Variants in HMGCS2 observed in about 807,000 individuals in gnomAD.
HMGCS2 encodes the protein hydroxymethylglutaryl-CoA synthase, mitochondrial.
Under a neutral mutation model 57.4 loss-of-function variants are expected in HMGCS2, and 50 were observed. The ratio of observed to expected loss-of-function variants is 0.87; its 90% CI spans 0.69 to 1.10. The LOEUF is 1.10. HMGCS2 is among the 50% of genes least tolerant of loss of function. The pLI is 0.00. For missense variants in HMGCS2, 627 were observed against 636.5 expected (o/e 0.99, Z 0.16); for synonymous variants, 254 against 245.1 (o/e 1.04, Z -0.34).
At chr1:119,759,000 A>G in intron 4 of HMGCS2, 118 bp downstream of exon 4, 1 of 1,049,528 alleles carries the variant, frequency 9.5e-7, no homozygotes, top group Admixed American at 1.7e-5. Context: ...AGGACAGGAA[A>G]CAATTCTCTT....
Position 119,768,599 on chromosome 1 carries a change from C to A in HMGCS2, c.104+142G>T. On this transcript the variant is annotated intron_variant, in intron 1 of 9. Transcript: ENST00000369406. ...CTGTTTAGAGATGAGGTAACTGAGACCCTTTAAAGTTAACTTGCTTGTCTA... is the reference window on the plus strand; with the variant it reads ...CTGTTTAGAGATGAGGTAACTGAGAACCTTTAAAGTTAACTTGCTTGTCTA... 4.3e-6 allele frequency: 3 copies of A among 695,994 alleles called. No individual in the cohort carries two copies. The South Asian group carries it at 4.6e-5, about 11-fold the overall frequency. The allele number at this position is 695,994 out of a possible 1,614,324, so 43.1% of individuals were successfully genotyped here. A position where few individuals can be genotyped will look rare whatever the true frequency, so the allele number is the denominator to read the frequency against.
At chr1:119,751,171 A>T (rs971935315) in intron 8 of HMGCS2, among the ~76,000 whole-genome samples, 14 of 152,094 alleles carry the variant, frequency 9.2e-5, no homozygotes, top group Non-Finnish European at 2.1e-4. Context: ...CCTACAGTAA[A>T]CATAGCCTTC....
rs879722733 is a variant in HMGCS2 at position 119,766,132 on chromosome 1, TC to T, written c.105-1507del. Among the ~76,000 whole-genome samples, 53 of 152,340 alleles carry T rather than the reference TC, an allele frequency of 3.5e-4. No homozygotes were observed. The Middle Eastern group carries it at 0.02, about 59-fold the overall frequency. ...TAATATCCCTGGCGAAAATCTGTGT[TC>T]CCTTTTGTATGGGAGCATACTGGAG... is the stretch of plus-strand genomic sequence containing the variant. On this transcript the variant is annotated intron_variant, in intron 1 of 9. Transcript: ENST00000369406.
chr1:119,749,054 G>A (rs1455923671), intron 9 of HMGCS2, among the ~76,000 whole-genome samples: 2 of 152,154 alleles, frequency 1.3e-5, no homozygotes, highest in Non-Finnish European at 2.9e-5. Flanking sequence ...CAGGGTCCCC[G>A]TCGCACATCT....
At chr1:119,750,940 A>T (rs778135704) in intron 8 of HMGCS2, 32 bp from the exon 9 acceptor site, 2 of 1,293,582 alleles carry the variant, frequency 1.5e-6, no homozygotes, top group Non-Finnish European at 2.2e-6. Flanking sequence ...CAGTACTCAC[A>T]AAGAGTTATA....
intron 2 of HMGCS2, among the ~76,000 whole-genome samples, chr1:119,760,554 G>A (rs1653002472): frequency 6.6e-6 from 1 of 152,144 alleles, no homozygotes; most frequent in Non-Finnish European, 1.5e-5. Context: ...CCTGAACCAC[G>A]TGCCTTGAAT....
chr1:119,765,935 C>T (rs1653211988), intron 1 of HMGCS2, among the ~76,000 whole-genome samples: 1 of 152,110 alleles, frequency 6.6e-6, no homozygotes, highest in Non-Finnish European at 1.5e-5. Context: ...AGAGCACAGC[C>T]CAGTGAAAGA....
At chr1:119,761,738 C>A (rs1480562995) in intron 2 of HMGCS2, among the ~76,000 whole-genome samples, 1 of 151,662 alleles carries the variant, frequency 6.6e-6, no homozygotes, top group African/African-American at 2.4e-5. Flanking sequence ...TGCACTCCAG[C>A]CTGGCAACAG....
rs1653263608 is a variant in HMGCS2 at position 119,767,299 on chromosome 1, A to C, written c.104+1442T>G. Among the ~76,000 whole-genome samples, 3 of 152,232 alleles carry C rather than the reference A, an allele frequency of 2.0e-5. No homozygotes were observed. In the South Asian group the frequency reaches 6.2e-4, roughly 32 times the overall value. ...AGAGATTTCAGTGGGTTGGAGGATCAGAGAAGCTTCGTGGAAGAGACCGCA... is the reference window on the plus strand; with the variant it reads ...AGAGATTTCAGTGGGTTGGAGGATCCGAGAAGCTTCGTGGAAGAGACCGCA... On this transcript the variant is annotated intron_variant, in intron 1 of 9. Coordinates refer to ENST00000369406, the MANE Select transcript of HMGCS2 (RefSeq NM_005518.4).
intron 8 of HMGCS2, among the ~76,000 whole-genome samples, chr1:119,751,568 T>C (rs1230267078): frequency 6.6e-6 from 1 of 151,612 alleles, no homozygotes; most frequent in Non-Finnish European, 1.5e-5. Context: ...TATTCATATT[T>C]TTATAATTTT....
chr1:119,755,368 C>T (rs2101253996), intron 6 of HMGCS2, 59 bp downstream of exon 6: 1 of 1,537,270 alleles, frequency 6.5e-7, no homozygotes, highest in East Asian at 2.2e-5. Context: ...ACCCTGCAGC[C>T]CACGGGGGCG....
chr1:119,764,298 GCA>G lies in HMGCS2; in HGVS notation c.431_432del (p.Val144AlafsTer12). ...CCTGAATCCTGGAAGAGTTCCATGA[GCA>G]CTGTTTTGACAGCTTTGGACTTGTC... ...IIDKSKAVKT[V>X]LMELFQDSGN... is the part of the protein sequence containing the mutation. On this transcript the variant is annotated frameshift_variant, in exon 2 of 10. Transcript: ENST00000369406. LOFTEE classifies it high-confidence loss of function. 4.3e-6 allele frequency: 7 copies of G among 1,614,170 alleles called. No individual in the cohort carries two copies. The highest frequency in any genetic ancestry group is 5.9e-6 in the Non-Finnish European group (7 of 1,180,020).
In HMGCS2 at chr1:119,759,943, A is replaced by T. The variant is rs1270791990; in HGVS notation, c.606T>A (p.Ser202Arg). ...CCCCACCTGTGGGACGAGCATTACCACTGGGATAGACGGCAATGTCTCCAC... is the reference window on the plus strand; with the variant it reads ...CCCCACCTGTGGGACGAGCATTACCTCTGGGATAGACGGCAATGTCTCCAC... Reference protein sequence around the residue: ...VVCGDIAVYPSGNARPTGGAG... With the variant: ...VVCGDIAVYPRGNARPTGGAG... Residue 202 changes from serine (S) to arginine (R), a missense_variant, in exon 3 of 10, where the codon AGT (serine) becomes AGA (arginine). By Grantham distance (110) the Ser-to-Arg change is moderately radical. Coordinates refer to ENST00000369406, the MANE Select transcript of HMGCS2 (RefSeq NM_005518.4). 1 of 1,614,046 alleles carries T rather than the reference A, an allele frequency of 6.2e-7. No individual in the cohort carries two copies.
chr1:119,757,463 G>C (rs1476368571), intron 4 of HMGCS2, 25 bp from the exon 5 acceptor site: 1 of 1,613,988 alleles, frequency 6.2e-7, no homozygotes, highest in African/African-American at 1.3e-5. Context: ...GTGAAGGCAA[G>C]GATGGGGCAT....
At chr1:119,768,403 G>A (rs1653309557) in intron 1 of HMGCS2, among the ~76,000 whole-genome samples, 2 of 152,194 alleles carry the variant, frequency 1.3e-5, no homozygotes, top group African/African-American at 4.8e-5. Flanking sequence ...GTGGTTCTAG[G>A]CAGAGGCTAG....
chr1:119,749,676 G>T (rs587626939), intron 9 of HMGCS2, among the ~76,000 whole-genome samples: 1 of 152,068 alleles, frequency 6.6e-6, no homozygotes, highest in South Asian at 2.1e-4. Context: ...ATGAACCCAG[G>T]GCCCCTCCAC....
At chr1:119,768,197 T>C (rs587721807) in intron 1 of HMGCS2, among the ~76,000 whole-genome samples, 1 of 152,328 alleles carries the variant, frequency 6.6e-6, no homozygotes, top group East Asian at 1.9e-4. Flanking sequence ...GTTCAGGGAC[T>C]ATTTACAAAG....
chr1:119,752,998 C>T (rs1057061571), intron 7 of HMGCS2, among the ~76,000 whole-genome samples: 6 of 152,174 alleles, frequency 3.9e-5, no homozygotes, highest in African/African-American at 1.4e-4. Flanking sequence ...ATCAAACCAC[C>T]ATTACCTCTT....
chr1:119,750,581 C>A (rs780590151), intron 9 of HMGCS2, among the ~76,000 whole-genome samples: 4 of 152,182 alleles, frequency 2.6e-5, no homozygotes, highest in African/African-American at 9.7e-5. Flanking sequence ...CCCTCCCTGG[C>A]CTGGTTAATG....
Sources: gnomAD v4.1 joint callset for allele counts (sites outside exome capture counted in the v4.1 genomes callset) on GRCh38, gnomAD v4.1.1 for gene constraint, MANE v1.5 for transcripts, NCBI Gene and HGNC (gene_info 2026-07-23, HGNC 2026-07-21) for gene names.